TRAPPC12: variants seen among roughly 807,000 people sequenced by gnomAD.
The protein encoded by TRAPPC12 is TPR repeat protein 15.
A neutral mutation model predicts 69.2 loss-of-function variants in TRAPPC12; 61 were observed. The ratio of observed to expected loss-of-function variants is 0.88; its 90% CI spans 0.72 to 1.09. The LOEUF is 1.09. Ranked by LOEUF, TRAPPC12 falls within the 50% of genes least tolerant of loss-of-function variation. The probability of loss-of-function intolerance (pLI) is 0.00; values close to 1 mark genes in which losing one functional copy is unlikely to be tolerated. For synonymous variants in TRAPPC12, 469 were observed against 438.9 expected (o/e 1.07, Z -0.86); for missense variants, 1,101 against 1,016.4 (o/e 1.08, Z -1.13).
At chr2:3,475,995 C>T (rs779685330) in intron 9 of TRAPPC12, among the ~76,000 whole-genome samples, 9 of 152,192 alleles carry the variant, frequency 5.9e-5, no homozygotes, top group Non-Finnish European at 1.2e-4. Flanking sequence ...TGCAGGCGTT[C>T]GAGCTGAGGG....
chr2:3,387,529 T>G (rs1660547307), intron 1 of TRAPPC12, 91 bp from the exon 2 acceptor site: 4 of 1,029,354 alleles, frequency 3.9e-6, no homozygotes, highest in Non-Finnish European at 4.2e-6. Flanking sequence ...AATGGAAGTC[T>G]GCGTCATTTG....
intron 9 of TRAPPC12, among the ~76,000 whole-genome samples, chr2:3,473,718 G>A (rs1666167890): frequency 6.6e-6 from 1 of 152,190 alleles, no homozygotes; most frequent in South Asian, 2.1e-4. Flanking sequence ...CAATCCTCCT[G>A]CCTCTGCCTC....
At chr2:3,455,520 C>T (rs992449932) in intron 6 of TRAPPC12, 1 of 152,170 alleles carries the variant, frequency 6.6e-6, no homozygotes, top group Admixed American at 6.5e-5. Flanking sequence ...TTCCCAGCCT[C>T]TGGTAACCAT....
chr2:3,419,923 C>T (rs1453137877), intron 3 of TRAPPC12, among the ~76,000 whole-genome samples: 1 of 152,194 alleles, frequency 6.6e-6, no homozygotes, highest in African/African-American at 2.4e-5. Flanking sequence ...GGCAAGATGG[C>T]ACGGCCACTT....
intron 7 of TRAPPC12, among the ~76,000 whole-genome samples, chr2:3,459,243 A>G (rs569649323): frequency 6.6e-6 from 1 of 152,352 alleles, no homozygotes; most frequent in Admixed American, 6.5e-5. Flanking sequence ...CCAGGGTGGC[A>G]TCTTGGCACT....
At chr2:3,407,559 G>A (rs557954622) in intron 3 of TRAPPC12, among the ~76,000 whole-genome samples, 1 of 152,122 alleles carries the variant, frequency 6.6e-6, no homozygotes, top group Non-Finnish European at 1.5e-5. Context: ...AATAGAGGAG[G>A]GGGGAGGCCG....
chr2:3,400,886 A>G (rs937743970), intron 2 of TRAPPC12, among the ~76,000 whole-genome samples: 18 of 152,208 alleles, frequency 1.2e-4, no homozygotes, highest in Non-Finnish European at 1.5e-5. Context: ...CTCCCTGCTC[A>G]GGGCAGGTCA....
At chr2:3,407,695 G>A (rs368637510) in intron 3 of TRAPPC12, among the ~76,000 whole-genome samples, 2 of 151,842 alleles carry the variant, frequency 1.3e-5, no homozygotes, top group Admixed American at 6.6e-5. Flanking sequence ...CCAGCTACCC[G>A]GGAGGCTGAG....
intron 1 of TRAPPC12, among the ~76,000 whole-genome samples, chr2:3,386,993 T>G (rs904026544): frequency 6.6e-6 from 1 of 152,166 alleles, no homozygotes; most frequent in Non-Finnish European, 1.5e-5. Flanking sequence ...AAATTAAAAA[T>G]AGAATTACCA....
chr2:3,433,681 G>A (rs1277303703), intron 5 of TRAPPC12, among the ~76,000 whole-genome samples: 4 of 152,160 alleles, frequency 2.6e-5, no homozygotes, highest in African/African-American at 4.8e-5. Flanking sequence ...GTGGCAGCAC[G>A]GATTTTCAGC....
chr2:3,477,635 T>C (rs1451518076), intron 9 of TRAPPC12, 60 bp from the exon 10 acceptor site: 8 of 991,566 alleles, frequency 8.1e-6, no homozygotes, highest in Non-Finnish European at 1.2e-5. Flanking sequence ...GAACTAAATA[T>C]ATGAGTATAG....
chr2:3,421,960 G>A lies in TRAPPC12; in HGVS notation c.1244G>A (p.Gly415Glu), dbSNP rs35775829. 1,939 of 1,613,464 alleles carry A rather than the reference G, an allele frequency of 1.2e-3. 20 individuals carry two copies. In the African/African-American group the frequency reaches 0.024, roughly 20 times the overall value. ...CACGGCCAGGGCTACGGCAAGAGCG[G>A]GCTGCTCACCAGCCACACGACAGAT... ...TAHGQGYGKS[G>E]LLTSHTTDSL... Residue 415 changes from glycine to glutamate, a missense_variant, in exon 4 of 12, where the codon GGG becomes GAG. Gly to Glu is a moderately conservative substitution (Grantham distance 98). Transcript: ENST00000324266.
chr2:3,454,351 G>T lies in TRAPPC12; in HGVS notation c.1531-3270G>T, dbSNP rs542737639. Among the ~76,000 whole-genome samples the T allele has an allele frequency of 1.8e-3, 264 of 147,368 alleles. 4 individuals are homozygous for T. The highest frequency in any genetic ancestry group is 0.018 in the Admixed American group (264 of 14,832). ...CAGCTGGGTAGGTGGGTCTGGAGGG[G>T]TGTAGCCTGCCTGGTGTCTCCATGT... On this transcript the variant is annotated intron_variant, in intron 6 of 11. Transcript: ENST00000324266.
chr2:3,474,581 C>T (rs2103172162), intron 9 of TRAPPC12, among the ~76,000 whole-genome samples: 1 of 152,334 alleles, frequency 6.6e-6, no homozygotes, highest in East Asian at 1.9e-4. Context: ...GAAACACTGA[C>T]CATGTGTTGC....
chr2:3,451,951 T>A (rs1449465517), intron 6 of TRAPPC12, among the ~76,000 whole-genome samples: 1 of 152,226 alleles, frequency 6.6e-6, no homozygotes, highest in Non-Finnish European at 1.5e-5. Context: ...GCCTGTGTGT[T>A]GACCATCAGT....
intron 8 of TRAPPC12, among the ~76,000 whole-genome samples, chr2:3,463,426 C>T (rs375799283): frequency 1.3e-4 from 20 of 151,762 alleles, no homozygotes; most frequent in African/African-American, 4.6e-4. Flanking sequence ...CCTTCTCTGC[C>T]GCGCCTGCCC....
At chr2:3,472,935 T>C (rs892620011) in intron 9 of TRAPPC12, among the ~76,000 whole-genome samples, 31 of 152,138 alleles carry the variant, frequency 2.0e-4, no homozygotes, top group African/African-American at 7.2e-4. Flanking sequence ...CCAAGCAGAC[T>C]TGATAGGATC....
At chr2:3,384,184 C>T (rs1660386574) in intron 1 of TRAPPC12, among the ~76,000 whole-genome samples, 1 of 152,124 alleles carries the variant, frequency 6.6e-6, no homozygotes, top group African/African-American at 2.4e-5. Flanking sequence ...GCCTGAACCA[C>T]CGTGCCTGGC....
chr2:3,404,289 C>G (rs1234380921), intron 3 of TRAPPC12, among the ~76,000 whole-genome samples: 2 of 152,226 alleles, frequency 1.3e-5, no homozygotes, highest in African/African-American at 4.8e-5. Flanking sequence ...CTTTGACTTT[C>G]TACTTTCTAG....
Sources: allele counts gnomAD v4.1 joint callset (sites outside exome capture counted in the v4.1 genomes callset), GRCh38; gene constraint gnomAD v4.1.1; transcripts MANE v1.5; gene names NCBI Gene and HGNC (gene_info 2026-07-23, HGNC 2026-07-21).